Variants in ZNF324B observed in about 807,000 individuals in gnomAD.
ZNF324B encodes the protein zinc finger protein 324B.
Under a neutral mutation model 10.6 loss-of-function variants are expected in ZNF324B, and 7 were observed. The observed-to-expected ratio is 0.66, with a 90% CI of 0.38 to 1.24. The LOEUF (loss-of-function observed/expected upper bound fraction) is 1.24. Ranked by LOEUF, ZNF324B falls within the 50% of genes most tolerant of loss-of-function variation. The pLI is 0.02. For synonymous variants in ZNF324B, 316 were observed against 321.0 expected, an observed-to-expected ratio of 0.98 and a Z score of 0.17; for missense variants, 640 against 764.7, an observed-to-expected ratio of 0.84 and a Z score of 1.92.
chr19:58,433,935 G>C, the ZNF324B span: 1 of 1,614,030 alleles, frequency 6.2e-7, no homozygotes, highest in Non-Finnish European at 8.5e-7. Flanking sequence ...TCTGGTGCTG[G>C]ATGAGGGTGG....
chr19:58,433,925 T>C, the ZNF324B span: 2 of 1,614,144 alleles, frequency 1.2e-6, no homozygotes, highest in South Asian at 1.1e-5. Flanking sequence ...GTATGTACTT[T>C]CTGGTGCTGG....
In ZNF324B at chr19:58,453,770, G is replaced by A. The variant is rs1223799474; in HGVS notation, c.69G>A (p.Arg23=). Residue 23 remains arginine (R), a synonymous_variant, in exon 2 of 4, where the codon AGG becomes AGA. Coordinates refer to ENST00000336614, the MANE Select transcript of ZNF324B (RefSeq NM_207395.3). ...EEWGLLDTAQ[R]ALYRHVMLEN... ...GGGGGCTCCTGGACACAGCGCAGAG[G>A]GCCCTGTACCGCCACGTGATGCTGG... 2 of 1,614,176 alleles carry A rather than the reference G, an allele frequency of 1.2e-6. No individual in the cohort carries two copies. The highest frequency in any genetic ancestry group is 1.1e-5 in the South Asian group (1 of 91,084).
At chr19:58,434,038 C>T in the ZNF324B span, 2 of 1,614,180 alleles carry the variant, frequency 1.2e-6, no homozygotes, top group Admixed American at 3.3e-5. Context: ...GGAGCTTTGG[C>T]TGAAGTCTCT....
At chr19:58,426,331 G>A in the ZNF324B span, among the ~76,000 whole-genome samples, 5 of 152,304 alleles carry the variant, frequency 3.3e-5, no homozygotes, top group African/African-American at 9.6e-5. Context: ...TAGTGGGTGT[G>A]GCCTAAGGAG....
chr19:58,440,775 G>T, the ZNF324B span: 1 of 152,134 alleles, frequency 6.6e-6, no homozygotes, highest in African/African-American at 2.4e-5. Context: ...GGGAGTCGTC[G>T]CCCTTGGCGT....
At chr19:58,424,757 A>G in the ZNF324B span, among the ~76,000 whole-genome samples, 1 of 151,980 alleles carries the variant, frequency 6.6e-6, no homozygotes, top group Admixed American at 6.6e-5. Context: ...TTTTGAGCCC[A>G]AGAGTCCAAG....
the ZNF324B span, among the ~76,000 whole-genome samples, chr19:58,436,016 AAG>A: frequency 6.6e-6 from 1 of 152,266 alleles, no homozygotes; most frequent in African/African-American, 2.4e-5. Context: ...GGCTATAAAA[AAG>A]AATGAAATAT....
chr19:58,439,956 G>A, the ZNF324B span: 16 of 875,162 alleles, frequency 1.8e-5, no homozygotes, highest in Non-Finnish European at 2.8e-5. Context: ...GACGAAGGCT[G>A]GGTATGGAGA....
At chr19:58,445,112 G>A in the ZNF324B span, 1 of 291,506 alleles carries the variant, frequency 3.4e-6, no homozygotes, top group Non-Finnish European at 6.6e-6. Context: ...TATATTCAGA[G>A]TTCTGCTTTC....
At chr19:58,446,669 C>T (rs150036497), upstream of ZNF324B, among the ~76,000 whole-genome samples, 48 of 150,046 alleles carry the variant, frequency 3.2e-4, no homozygotes, top group East Asian at 7.1e-3. Flanking sequence ...CTCCGCCTCC[C>T]GGGTTCAAGA....
the ZNF324B span, chr19:58,444,351 T>A: frequency 6.6e-6 from 1 of 152,216 alleles, no homozygotes; most frequent in Non-Finnish European, 1.5e-5. Context: ...TAAATAGTTG[T>A]TATCTGCACA....
upstream of ZNF324B, among the ~76,000 whole-genome samples, chr19:58,451,394 G>T (rs2052854558): frequency 1.3e-5 from 2 of 152,368 alleles, no homozygotes; most frequent in South Asian, 4.1e-4. Flanking sequence ...CCTGCCGGGC[G>T]ACTCAACCAG....
chr19:58,453,903 A>C, intron 2 of ZNF324B, 81 bp downstream of exon 2: 2 of 1,556,346 alleles, frequency 1.3e-6, no homozygotes, highest in Non-Finnish European at 1.7e-6. Flanking sequence ...GTTGATGAGC[A>C]GGATCAAATC....
the ZNF324B span, chr19:58,435,527 A>T: frequency 4.2e-6 from 1 of 238,920 alleles, no homozygotes; most frequent in East Asian, 9.2e-5. Flanking sequence ...CAGCATCCTT[A>T]AACATGAGGA....
chr19:58,422,151 A>G, the ZNF324B span, among the ~76,000 whole-genome samples: 1 of 152,102 alleles, frequency 6.6e-6, no homozygotes, highest in East Asian at 1.9e-4. Flanking sequence ...TCCTAACCTC[A>G]AGTAATCTGC....
chr19:58,430,197 T>C, the ZNF324B span: 3 of 152,192 alleles, frequency 2.0e-5, no homozygotes, highest in African/African-American at 7.2e-5. Context: ...CACAAAAAAC[T>C]GAATGCTGCC....
the ZNF324B span, chr19:58,440,331 CG>C: frequency 5.9e-6 from 1 of 168,546 alleles, no homozygotes; most frequent in Non-Finnish European, 1.3e-5. Flanking sequence ...GCTCAGGCAA[CG>C]CAAACTACAT....
At chr19:58,436,667 CAAAAAAAAAA>C in the ZNF324B span, among the ~76,000 whole-genome samples, 10 of 65,554 alleles carry the variant, frequency 1.5e-4, no homozygotes, top group Admixed American at 1.8e-4. Context: ...GACTCCATCT[CAAAAAAAAAA>C]AAAAAAAAAA....
the ZNF324B span, chr19:58,437,722 A>T: frequency 1.8e-3 from 1,781 of 985,374 alleles, 23 homozygotes; most frequent in African/African-American, 0.026. Flanking sequence ...TGCACATGGC[A>T]TACCTGACAG....
Sources: allele counts gnomAD v4.1 joint callset (sites outside exome capture counted in the v4.1 genomes callset), GRCh38; gene constraint gnomAD v4.1.1; transcripts MANE v1.5; gene names NCBI Gene and HGNC (gene_info 2026-07-23, HGNC 2026-07-21).